Variants in DOCK10 observed in about 807,000 individuals in gnomAD.
DOCK10 encodes dedicator of cytokinesis 10, also known as dedicator of cytokinesis protein 10.
DOCK10 carries 145 observed loss-of-function variants against 280.1 expected under a neutral mutation model. That is an observed-to-expected ratio of 0.52 (90% confidence interval 0.45 to 0.59). The LOEUF is 0.59. DOCK10 is among the 20% of genes least tolerant of loss of function. DOCK10 has a pLI of 0.00. For missense variants in DOCK10, 2,368 were observed against 2,651.7 expected (o/e 0.89, Z 2.35); for synonymous variants, 915 against 942.2 (o/e 0.97, Z 0.53).
chr2:225,013,975 T>C (rs1689515293), intron 1 of DOCK10, among the ~76,000 whole-genome samples: 2 of 152,120 alleles, frequency 1.3e-5, no homozygotes, highest in African/African-American at 4.8e-5. Flanking sequence ...CTTTCATATT[T>C]TTATTCTATC....
chr2:224,837,737 G>C (rs755351529), intron 25 of DOCK10, 25 bp downstream of exon 25: 1 of 1,600,592 alleles, frequency 6.2e-7, no homozygotes, highest in East Asian at 2.2e-5. Context: ...GGGGATATGA[G>C]CAATTTCCAA....
intron 3 of DOCK10, among the ~76,000 whole-genome samples, chr2:224,902,844 A>G (rs993694214): frequency 6.6e-6 from 1 of 152,158 alleles, no homozygotes; most frequent in Non-Finnish European, 1.5e-5. Flanking sequence ...TTGTAATCCC[A>G]GCACTTAGGG....
chr2:224,850,442 C>T (rs578010386), intron 18 of DOCK10, among the ~76,000 whole-genome samples: 3 of 152,228 alleles, frequency 2.0e-5, no homozygotes, highest in African/African-American at 7.2e-5. Context: ...GTTACCAACC[C>T]CAGGAAAATA....
chr2:224,859,436 A>G (rs1307628493), intron 14 of DOCK10, among the ~76,000 whole-genome samples: 1 of 152,176 alleles, frequency 6.6e-6, no homozygotes, highest in African/African-American at 2.4e-5. Flanking sequence ...TCCCGAGTCA[A>G]TGAGTATAAA....
Position 224,918,149 on chromosome 2 carries a change from T to C in DOCK10, c.244-1365A>G, listed in dbSNP as rs540372992. 9.8e-5 allele frequency among the ~76,000 whole-genome samples: 15 copies of C among 152,362 alleles called. No individual in the cohort carries two copies. The East Asian group carries it at 2.5e-3, about 25-fold the overall frequency. On this transcript the variant is annotated intron_variant, in intron 2 of 55. Transcript: ENST00000258390. ...TTCCTTCTCTTCCAATCCTGGACTC[T>C]TATTTTCTCCAAATCTCTCCTTTCT... is the stretch of plus-strand genomic sequence containing the variant.
At chr2:224,830,920 T>TTTTATTTATTTATTTATTATTTA (rs1695184795) in intron 26 of DOCK10, among the ~76,000 whole-genome samples, 2 of 148,534 alleles carry the variant, frequency 1.3e-5, no homozygotes, top group Non-Finnish European at 3.0e-5. Context: ...CTAAACAAAC[T>TTTTATTTATTTATTTATTATTTA]TTTATTTATT....
At chr2:225,003,636 A>G (rs1706495573) in intron 1 of DOCK10, among the ~76,000 whole-genome samples, 1 of 152,208 alleles carries the variant, frequency 6.6e-6, no homozygotes, top group African/African-American at 2.4e-5. Flanking sequence ...TTTCAAATTA[A>G]AAGTTTTATC....
At chr2:224,878,092 G>A (rs1698752045) in intron 7 of DOCK10, among the ~76,000 whole-genome samples, 1 of 152,146 alleles carries the variant, frequency 6.6e-6, no homozygotes, top group Admixed American at 6.5e-5. Flanking sequence ...TTCTTTTGGG[G>A]AACAGGATTG....
chr2:224,985,756 T>G (rs1404266036), intron 1 of DOCK10, among the ~76,000 whole-genome samples: 1 of 152,182 alleles, frequency 6.6e-6, no homozygotes, highest in East Asian at 1.9e-4. Context: ...CCCATCCTTC[T>G]TCAACAAATC....
chr2:224,945,313 T>A (rs779461997), intron 1 of DOCK10, among the ~76,000 whole-genome samples: 1 of 152,148 alleles, frequency 6.6e-6, no homozygotes, highest in Non-Finnish European at 1.5e-5. Context: ...GGAAGATATA[T>A]CTGACCAGTG....
chr2:224,837,098 G>A (rs968094860), intron 25 of DOCK10, among the ~76,000 whole-genome samples: 3 of 152,108 alleles, frequency 2.0e-5, no homozygotes, highest in African/African-American at 7.2e-5. Flanking sequence ...TTCTGGATGG[G>A]TTCTTTCTTT....
At chr2:224,813,798 T>C (rs890334229) in intron 31 of DOCK10, among the ~76,000 whole-genome samples, 3 of 152,204 alleles carry the variant, frequency 2.0e-5, no homozygotes, top group African/African-American at 7.2e-5. Flanking sequence ...GCTAAATACA[T>C]TTCTCACTGA....
intron 4 of DOCK10, among the ~76,000 whole-genome samples, chr2:224,887,150 C>T (rs548824878): frequency 1.3e-5 from 2 of 152,238 alleles, no homozygotes; most frequent in South Asian, 4.1e-4. Context: ...TTCTATTTTC[C>T]TTCCCCCACA....
chr2:224,960,548 T>G (rs1439578696), intron 1 of DOCK10, among the ~76,000 whole-genome samples: 1 of 152,090 alleles, frequency 6.6e-6, no homozygotes, highest in Non-Finnish European at 1.5e-5. Context: ...CCATATGTCC[T>G]TTCAAGGGCC....
intron 4 of DOCK10, among the ~76,000 whole-genome samples, chr2:224,895,666 A>C (rs1699933861): frequency 6.6e-6 from 1 of 152,112 alleles, no homozygotes; most frequent in Non-Finnish European, 1.5e-5. Context: ...GGAAACAGAC[A>C]CTGAATTAAT....
intron 51 of DOCK10, among the ~76,000 whole-genome samples, chr2:224,775,666 G>C (rs1690800408): frequency 6.6e-6 from 1 of 152,078 alleles, no homozygotes; most frequent in Non-Finnish European, 1.5e-5. Context: ...AGTAGAGAGA[G>C]GGTTATGCTC....
chr2:224,930,071 T>C (rs550854659), intron 2 of DOCK10, among the ~76,000 whole-genome samples: 2 of 151,680 alleles, frequency 1.3e-5, no homozygotes, highest in African/African-American at 2.4e-5. Flanking sequence ...TGTGGTGGCA[T>C]GCACCTGTAA....
intron 1 of DOCK10, among the ~76,000 whole-genome samples, chr2:224,998,479 T>C (rs1159348678): frequency 6.6e-6 from 1 of 152,194 alleles, no homozygotes; most frequent in African/African-American, 2.4e-5. Context: ...TTCCCTTCTC[T>C]GGAAACAATC....
chr2:225,000,618 C>T (rs768533719), intron 1 of DOCK10, among the ~76,000 whole-genome samples: 1 of 152,184 alleles, frequency 6.6e-6, no homozygotes, highest in Non-Finnish European at 1.5e-5. Flanking sequence ...AGTAGTGACT[C>T]TACGAGCCAG....
Sources: allele counts gnomAD v4.1 joint callset (sites outside exome capture counted in the v4.1 genomes callset), GRCh38; gene constraint gnomAD v4.1.1; transcripts MANE v1.5; gene names NCBI Gene and HGNC (gene_info 2026-07-23, HGNC 2026-07-21).